Variants in GPC6 observed in about 807,000 individuals in gnomAD.
The protein encoded by GPC6 is glypican 6.
GPC6 carries 14 observed loss-of-function variants against 55.2 expected under a neutral mutation model. The observed-to-expected ratio is 0.25, with a 90% CI of 0.17 to 0.40. The LOEUF (loss-of-function observed/expected upper bound fraction) is 0.40. Among genes scored for constraint, GPC6 ranks in the 10% least tolerant of loss-of-function variants. GPC6 has a pLI of 1.00. For synonymous variants in GPC6, 278 were observed against 259.6 expected (o/e 1.07, Z -0.68); for missense variants, 641 against 708.5 (o/e 0.90, Z 1.08).
At chr13:94,235,335 T>A (rs746493355) in intron 4 of GPC6, among the ~76,000 whole-genome samples, 1 of 152,080 alleles carries the variant, frequency 6.6e-6, no homozygotes, top group Non-Finnish European at 1.5e-5. Flanking sequence ...AACAGGACAT[T>A]TCAGAATATC....
At chr13:94,330,545 G>A (rs1050458416) in intron 6 of GPC6, among the ~76,000 whole-genome samples, 11 of 152,120 alleles carry the variant, frequency 7.2e-5, no homozygotes, top group African/African-American at 1.9e-4. Flanking sequence ...ATCAAAATGT[G>A]ATTCCTAAAC....
intron 6 of GPC6, among the ~76,000 whole-genome samples, chr13:94,362,182 CAG>C (rs1420586618): frequency 3.3e-5 from 5 of 152,098 alleles, no homozygotes; most frequent in Admixed American, 2.6e-4. Flanking sequence ...AATTTTGTGT[CAG>C]GGGGAGTTTA....
At chr13:93,836,791 A>C (rs1887748555) in intron 3 of GPC6, among the ~76,000 whole-genome samples, 1 of 152,180 alleles carries the variant, frequency 6.6e-6, no homozygotes. Flanking sequence ...AATAACAAAA[A>C]TAGATTATTA....
intron 2 of GPC6, among the ~76,000 whole-genome samples, chr13:93,712,619 T>C (rs1302790638): frequency 6.6e-6 from 1 of 151,718 alleles, no homozygotes; most frequent in Non-Finnish European, 1.5e-5. Flanking sequence ...ATTAAAATAA[T>C]TTTTGGGGAG....
At chr13:94,149,848 G>GT (rs1887678333) in intron 4 of GPC6, among the ~76,000 whole-genome samples, 1 of 151,910 alleles carries the variant, frequency 6.6e-6, no homozygotes, top group Non-Finnish European at 1.5e-5. Context: ...CACTTCGCAC[G>GT]TTCTATCTCC....
chr13:94,284,313 G>A (rs2139081825), intron 4 of GPC6, among the ~76,000 whole-genome samples: 1 of 152,286 alleles, frequency 6.6e-6, no homozygotes, highest in Admixed American at 6.5e-5. Flanking sequence ...ACAGGCAGTA[G>A]CTATGAACCT....
At chr13:94,066,530 C>T (rs997766759) in intron 4 of GPC6, among the ~76,000 whole-genome samples, 7 of 152,178 alleles carry the variant, frequency 4.6e-5, no homozygotes, top group African/African-American at 1.7e-4. Flanking sequence ...AATGTACTTA[C>T]ATTTAGCATT....
intron 1 of GPC6, among the ~76,000 whole-genome samples, chr13:93,525,260 A>T (rs2034549133): frequency 1.3e-5 from 2 of 152,132 alleles, no homozygotes; most frequent in Non-Finnish European, 2.9e-5. Flanking sequence ...CAGCAAAGTG[A>T]TGAAACAAAT....
chr13:93,593,911 G>A (rs114042165), intron 2 of GPC6, among the ~76,000 whole-genome samples: 1,609 of 152,086 alleles, frequency 0.011, 27 homozygotes, highest in African/African-American at 0.037. Flanking sequence ...GGAGTATGCT[G>A]AAATGTTATG....
At chr13:94,194,708 T>TAG (rs1889509277) in intron 4 of GPC6, among the ~76,000 whole-genome samples, 1 of 152,156 alleles carries the variant, frequency 6.6e-6, no homozygotes, top group South Asian at 2.1e-4. Flanking sequence ...CTAAAGAACT[T>TAG]AGTCATGTAA....
intron 2 of GPC6, among the ~76,000 whole-genome samples, chr13:93,609,941 G>A (rs1878396950): frequency 6.6e-6 from 1 of 152,146 alleles, no homozygotes; most frequent in Non-Finnish European, 1.5e-5. Context: ...GATTCTGATA[G>A]TGTAGTAGAT....
chr13:94,393,327 T>C (rs1201910825), intron 7 of GPC6, among the ~76,000 whole-genome samples: 6 of 152,180 alleles, frequency 3.9e-5, no homozygotes, highest in African/African-American at 1.2e-4. Flanking sequence ...CTGAGTGAGA[T>C]AAATGAGGAC....
intron 4 of GPC6, among the ~76,000 whole-genome samples, chr13:94,193,757 G>A (rs148759914): frequency 6.6e-6 from 1 of 152,188 alleles, no homozygotes; most frequent in African/African-American, 2.4e-5. Context: ...TGCAGTGAAA[G>A]TTCTTTAAAT....
At chr13:93,989,983 G>T (rs1174760322) in intron 3 of GPC6, among the ~76,000 whole-genome samples, 1 of 149,584 alleles carries the variant, frequency 6.7e-6, no homozygotes, top group East Asian at 2.0e-4. Context: ...AAATAATGTG[G>T]AAAAGTACAG....
At chr13:94,216,964 C>G (rs916145122) in intron 4 of GPC6, among the ~76,000 whole-genome samples, 1 of 152,198 alleles carries the variant, frequency 6.6e-6, no homozygotes, top group Non-Finnish European at 1.5e-5. Context: ...TATCAAACTA[C>G]TTAAACTCTC....
At chr13:94,060,934 A>G (rs1235920535) in intron 4 of GPC6, among the ~76,000 whole-genome samples, 2 of 152,168 alleles carry the variant, frequency 1.3e-5, no homozygotes, top group African/African-American at 2.4e-5. Context: ...TTCATCTTGT[A>G]AAAGGGTAAG....
chr13:93,921,902 A>C (rs1054614439), intron 3 of GPC6, among the ~76,000 whole-genome samples: 2 of 151,688 alleles, frequency 1.3e-5, no homozygotes, highest in Non-Finnish European at 2.9e-5. Context: ...TCTTCTAACC[A>C]GTATTTCCCT....
At chr13:94,257,985 A>G (rs1891553335) in intron 4 of GPC6, among the ~76,000 whole-genome samples, 1 of 152,236 alleles carries the variant, frequency 6.6e-6, no homozygotes, top group Non-Finnish European at 1.5e-5. Context: ...AGAGAATCCC[A>G]ATATAGTTGG....
chr13:94,064,535 G>T (rs999038796), intron 4 of GPC6, among the ~76,000 whole-genome samples: 1 of 152,038 alleles, frequency 6.6e-6, no homozygotes, highest in African/African-American at 2.4e-5. Context: ...TCTTAACAGG[G>T]AAACTTGTTC....
Sources: allele counts gnomAD v4.1 joint callset (sites outside exome capture counted in the v4.1 genomes callset), GRCh38; gene constraint gnomAD v4.1.1; transcripts MANE v1.5; gene names NCBI Gene and HGNC (gene_info 2026-07-23, HGNC 2026-07-21).